Variants in MYO3A observed in about 807,000 individuals in gnomAD.
MYO3A encodes myosin IIIA.
In MYO3A, 180 loss-of-function variants were observed where a neutral mutation model predicts 192.7. The ratio of observed to expected loss-of-function variants is 0.93; its 90% confidence interval spans 0.83 to 1.06. MYO3A has a LOEUF of 1.06. Ranked by LOEUF, MYO3A falls within the 50% of genes least tolerant of loss-of-function variation. The pLI, the probability that MYO3A is intolerant of heterozygous loss-of-function variation, is 0.00. For missense variants in MYO3A, 1,896 were observed against 1,905.0 expected (o/e 1.00, Z 0.09); for synonymous variants, 628 against 645.3 (o/e 0.97, Z 0.41).
intron 26 of MYO3A, among the ~76,000 whole-genome samples, chr10:26,160,002 C>G (rs1841402920): frequency 1.3e-5 from 2 of 151,652 alleles, no homozygotes; most frequent in Non-Finnish European, 2.9e-5. Flanking sequence ...ACCAAAAATA[C>G]TAGATACAAA....
chr10:26,054,613 G>A (rs185134550), intron 10 of MYO3A, among the ~76,000 whole-genome samples: 6 of 152,204 alleles, frequency 3.9e-5, no homozygotes, highest in South Asian at 4.1e-4. Flanking sequence ...AGGATCTGGA[G>A]AAGGGGAAAT....
Position 25,954,674 on chromosome 10 carries a change from G to T in MYO3A, c.169-200G>T, listed in dbSNP as rs12252546. On this transcript the variant is annotated intron_variant, in intron 3 of 34. Transcript: ENST00000642920. ...ATTTGATGAAATTAATATAACTTGA[G>T]ATTCACTTGATTAGCATGAAAATCA... 0.3 allele frequency among the ~76,000 whole-genome samples: 45,822 copies of T among 151,802 alleles called. 7,608 individuals are homozygous for T. Among genetic ancestry groups the T allele is most frequent in the Middle Eastern group, 0.44 (129 of 292 alleles).
chr10:26,193,074 A>G (rs1843227993), intron 31 of MYO3A, 131 bp from the exon 32 acceptor site: 1 of 767,488 alleles, frequency 1.3e-6, no homozygotes, highest in East Asian at 2.7e-5. Context: ...TTATGCAGCA[A>G]ACGTATTTCC....
chr10:25,983,995 T>A (rs1041992559), intron 4 of MYO3A, among the ~76,000 whole-genome samples: 2 of 152,214 alleles, frequency 1.3e-5, no homozygotes, highest in Non-Finnish European at 2.9e-5. Context: ...CCCAGAATTT[T>A]GTATCCAGAG....
At chr10:26,053,715 C>T (rs1012077229) in intron 10 of MYO3A, among the ~76,000 whole-genome samples, 4 of 151,990 alleles carry the variant, frequency 2.6e-5, no homozygotes, top group African/African-American at 9.7e-5. Context: ...ATTCCAGGTA[C>T]TCAAGAGGCT....
chr10:26,081,133 T>TCCCCCCCCTTCCCCCCCCCC (rs1835906244), intron 14 of MYO3A, among the ~76,000 whole-genome samples: 1 of 84,940 alleles, frequency 1.2e-5, no homozygotes, highest in African/African-American at 4.2e-5. Context: ...TATATGCCCT[T>TCCCCCCCCTTCCCCCCCCCC]CCCCCCCCCC....
rs182596526 is a variant in MYO3A at position 25,968,723 on chromosome 10, T to G, written c.303+13715T>G. On this transcript the variant is annotated intron_variant, in intron 4 of 34. Transcript: ENST00000642920. ...TGTTTGAAAATATTAAATGGGAAAT[T>G]CCAGAAATAAACAATTCACATTTTC... Among the ~76,000 whole-genome samples the G allele has an allele frequency of 2.4e-3, 372 of 152,314 alleles. 6 individuals carry two copies. The highest frequency in any genetic ancestry group is 0.019 in the Admixed American group (293 of 15,304).
chr10:26,165,892 A>G, intron 26 of MYO3A, 175 bp from the exon 27 acceptor site: 1 of 700,174 alleles, frequency 1.4e-6, no homozygotes, highest in South Asian at 1.6e-5. Context: ...CTGGGTTTCC[A>G]TCAGTTTGGA....
At chr10:26,182,816 C>T (rs1842673186) in intron 31 of MYO3A, among the ~76,000 whole-genome samples, 1 of 152,178 alleles carries the variant, frequency 6.6e-6, no homozygotes, top group Non-Finnish European at 1.5e-5. Flanking sequence ...AAGACGTGCT[C>T]ACAGTGTTCC....
chr10:26,026,351 T>C (rs1427084620), intron 9 of MYO3A, 26 bp from the exon 10 acceptor site: 2 of 1,613,234 alleles, frequency 1.2e-6, no homozygotes, highest in African/African-American at 2.7e-5. Flanking sequence ...TATCTAATAA[T>C]TGCATGTTCT....
rs1835830440 is a variant in MYO3A, at chr10:26,080,193, A to C, written c.1360-8010A>C. Among the ~76,000 whole-genome samples the C allele has an allele frequency of 3.9e-5, 6 of 152,214 alleles. No homozygotes were observed. In the South Asian group the frequency reaches 1.2e-3, roughly 32 times the overall value. On this transcript the variant is annotated intron_variant, in intron 14 of 34. Coordinates refer to ENST00000642920, the MANE Select transcript of MYO3A (RefSeq NM_017433.5). ...AGATTTGGTTGTTTAACATAATCCC[A>C]CATTTCTTGGAGGCTTTGTTCATAT... is the stretch of plus-strand genomic sequence containing the variant.
intron 17 of MYO3A, among the ~76,000 whole-genome samples, chr10:26,114,337 T>A (rs1468482163): frequency 1.3e-5 from 2 of 152,200 alleles, no homozygotes; most frequent in African/African-American, 4.8e-5. Flanking sequence ...ACTTAGCACA[T>A]GTTGCCAAAA....
chr10:26,179,089 ATTTTTTTTTTT>A (rs59025321), intron 31 of MYO3A, among the ~76,000 whole-genome samples: 26 of 66,136 alleles, frequency 3.9e-4, no homozygotes, highest in South Asian at 3.5e-3. Context: ...GCCCAGCCTA[ATTTTTTTTTTT>A]TTTTTTTTTT....
intron 4 of MYO3A, among the ~76,000 whole-genome samples, chr10:25,991,683 G>T (rs1250604112): frequency 6.6e-5 from 10 of 152,150 alleles, no homozygotes; most frequent in Admixed American, 3.9e-4. Context: ...CTTGAATTAA[G>T]TTTTGTATAA....
At chr10:25,980,864 C>G (rs1839289078) in intron 4 of MYO3A, among the ~76,000 whole-genome samples, 1 of 152,120 alleles carries the variant, frequency 6.6e-6, no homozygotes, top group African/African-American at 2.4e-5. Context: ...TAACCAAAAT[C>G]CATAGTTTAC....
intron 4 of MYO3A, among the ~76,000 whole-genome samples, chr10:25,984,454 C>A (rs1180123134): frequency 6.6e-6 from 1 of 152,162 alleles, no homozygotes; most frequent in East Asian, 1.9e-4. Flanking sequence ...CCTGGTCAAA[C>A]CAATCCCCTG....
intron 4 of MYO3A, among the ~76,000 whole-genome samples, chr10:25,965,511 C>G (rs983848282): frequency 6.6e-6 from 1 of 151,992 alleles, no homozygotes; most frequent in Admixed American, 6.6e-5. Flanking sequence ...GGCTAAGGGA[C>G]GTGATGCCAG....
At chr10:26,178,871 G>A (rs898711906) in intron 31 of MYO3A, among the ~76,000 whole-genome samples, 5 of 149,894 alleles carry the variant, frequency 3.3e-5, no homozygotes, top group Admixed American at 6.6e-5. Flanking sequence ...GCGCGATCTC[G>A]ACTCACTGCA....
intron 15 of MYO3A, among the ~76,000 whole-genome samples, chr10:26,089,389 C>T (rs1457328609): frequency 1.3e-5 from 2 of 152,066 alleles, no homozygotes; most frequent in Non-Finnish European, 2.9e-5. Context: ...ATCACGCGGT[C>T]AGGAGATTGA....
Sources: gnomAD v4.1 joint callset for allele counts (sites outside exome capture counted in the v4.1 genomes callset) on GRCh38, gnomAD v4.1.1 for gene constraint, MANE v1.5 for transcripts, NCBI Gene and HGNC (gene_info 2026-07-23, HGNC 2026-07-21) for gene names.